The following RSU1 variants were observed in gnomAD, a reference collection of about 807,000 sequenced individuals.
RSU1 encodes rsu-1.
RSU1 carries 26 observed loss-of-function variants against 31.1 expected under a neutral mutation model. The ratio of observed to expected loss-of-function variants is 0.84; its 90% CI spans 0.61 to 1.16. RSU1 has a LOEUF of 1.16. Ranked by LOEUF, RSU1 falls within the 50% of genes most tolerant of loss-of-function variation. RSU1 has a pLI of 0.00. For synonymous variants in RSU1, 164 were observed against 136.3 expected (o/e 1.20, Z -1.41); for missense variants, 320 against 339.1 (o/e 0.94, Z 0.44).
chr10:16,659,705 G>A (rs1834853792), intron 8 of RSU1, among the ~76,000 whole-genome samples: 1 of 152,148 alleles, frequency 6.6e-6, no homozygotes, highest in Admixed American at 6.5e-5. Context: ...TACTACTTTG[G>A]TTCTTCCTCA....
chr10:16,760,547 T>C (rs1176988990), intron 4 of RSU1, among the ~76,000 whole-genome samples: 1 of 150,808 alleles, frequency 6.6e-6, no homozygotes, highest in Non-Finnish European at 1.5e-5. Context: ...AGTGTACGAC[T>C]CTGTCCTCTG....
intron 8 of RSU1, among the ~76,000 whole-genome samples, chr10:16,612,460 C>A (rs1030702504): frequency 1.3e-5 from 2 of 152,206 alleles, no homozygotes; most frequent in African/African-American, 2.4e-5. Context: ...TGGTCCTGAA[C>A]AGGCAGCTCC....
chr10:16,692,119 A>C (rs1319424137), intron 8 of RSU1, among the ~76,000 whole-genome samples: 3 of 152,216 alleles, frequency 2.0e-5, no homozygotes, highest in Non-Finnish European at 2.9e-5. Context: ...CCATGAGGAA[A>C]TGAAACAGAA....
chr10:16,786,731 A>T (rs1397122575), intron 2 of RSU1, among the ~76,000 whole-genome samples: 1 of 152,098 alleles, frequency 6.6e-6, no homozygotes, highest in East Asian at 1.9e-4. Flanking sequence ...CCGTATTTGT[A>T]ATTCTCTCCT....
chr10:16,813,850 A>T (rs1339261460), intron 2 of RSU1, among the ~76,000 whole-genome samples: 1 of 152,200 alleles, frequency 6.6e-6, no homozygotes, highest in Non-Finnish European at 1.5e-5. Flanking sequence ...CTTGGTACCT[A>T]AACTCCTCAA....
intron 7 of RSU1, among the ~76,000 whole-genome samples, chr10:16,713,172 A>T (rs1323381674): frequency 6.6e-6 from 1 of 152,150 alleles, no homozygotes; most frequent in Admixed American, 6.5e-5. Flanking sequence ...GTATGATTAT[A>T]ATGTGCCTCA....
At chr10:16,760,432 C>T (rs1055782725) in intron 4 of RSU1, among the ~76,000 whole-genome samples, 8 of 151,326 alleles carry the variant, frequency 5.3e-5, no homozygotes, top group African/African-American at 7.3e-5. Flanking sequence ...TCGTTTGAAC[C>T]CAGGAGGTGG....
intron 2 of RSU1, among the ~76,000 whole-genome samples, chr10:16,800,977 C>T (rs1222295257): frequency 7.4e-6 from 1 of 135,232 alleles, no homozygotes; most frequent in African/African-American, 2.9e-5. Flanking sequence ...AAAAAAAGAA[C>T]AAGGGCAAGA....
In RSU1 at chr10:16,689,999, T is replaced by C. The variant is rs45457098; in HGVS notation, c.731+5024A>G. On this transcript the variant is annotated intron_variant, in intron 8 of 8. Coordinates refer to ENST00000345264, the MANE Select transcript of RSU1 (RefSeq NM_012425.4). ...TTGTCAAACCTCTTTTGTTAACTTGTTGACAAGAGTTAACTTGTCAGCTTT... is the reference window on the plus strand; with the variant it reads ...TTGTCAAACCTCTTTTGTTAACTTGCTGACAAGAGTTAACTTGTCAGCTTT... Among the ~76,000 whole-genome samples the C allele has an allele frequency of 6.2e-3, 942 of 152,330 alleles. 1 individual carries two copies. The highest frequency in any genetic ancestry group is 9.6e-3 in the Non-Finnish European group (652 of 68,030).
chr10:16,738,337 G>C (rs1315481898), intron 7 of RSU1, among the ~76,000 whole-genome samples: 3 of 152,096 alleles, frequency 2.0e-5, no homozygotes, highest in African/African-American at 7.2e-5. Flanking sequence ...TGTAGTCCCA[G>C]CTACTCAGGA....
chr10:16,591,341 T>G lies in RSU1; in HGVS notation c.*2053A>C, dbSNP rs1162357680. Reference sequence around the variant, plus strand: ...GTGTATGCAATGCTATAAGGACAATTCCTAAACATTGCAGTTTGTGGGGAT... The same window carrying G: ...GTGTATGCAATGCTATAAGGACAATGCCTAAACATTGCAGTTTGTGGGGAT... On this transcript the variant is annotated 3_prime_UTR_variant, in exon 9 of 9. Transcript: ENST00000345264. 2 of 152,226 alleles carry G rather than the reference T, an allele frequency of 1.3e-5. No homozygotes were observed. Among genetic ancestry groups the G allele is most frequent in the African/African-American group, 4.8e-5 (2 of 41,462 alleles). 9.4% of individuals were successfully genotyped at this position (152,226 alleles called of 1,614,324 possible). A position where few individuals can be genotyped will look rare whatever the true frequency, so the allele number is the denominator to read the frequency against.
intron 7 of RSU1, among the ~76,000 whole-genome samples, chr10:16,726,405 T>A (rs1388765251): frequency 3.3e-5 from 5 of 151,950 alleles, no homozygotes; most frequent in Non-Finnish European, 7.4e-5. Context: ...CTAGCTGGAT[T>A]ACAGGTGCCC....
intron 7 of RSU1, among the ~76,000 whole-genome samples, chr10:16,707,342 A>C (rs1367783427): frequency 6.6e-6 from 1 of 152,132 alleles, no homozygotes; most frequent in Admixed American, 6.5e-5. Flanking sequence ...GTTAATTTAC[A>C]ATCCCACCAA....
intron 2 of RSU1, among the ~76,000 whole-genome samples, chr10:16,797,624 T>C (rs1208907059): frequency 2.6e-5 from 4 of 152,058 alleles, no homozygotes; most frequent in East Asian, 1.9e-4. Context: ...AAAACTATAA[T>C]TGACTATTTC....
At chr10:16,714,280 AGTCT>A (rs1836084449) in intron 7 of RSU1, among the ~76,000 whole-genome samples, 1 of 152,092 alleles carries the variant, frequency 6.6e-6, no homozygotes, top group Non-Finnish European at 1.5e-5. Context: ...GCCCTGTAGG[AGTCT>A]GTCTAGAGGA....
intron 5 of RSU1, 102 bp downstream of exon 5, chr10:16,754,769 G>T: frequency 1.4e-6 from 1 of 717,446 alleles, no homozygotes; most frequent in Non-Finnish European, 2.4e-6. Flanking sequence ...AATTATCTCT[G>T]TCCAATAATT....
chr10:16,677,149 T>C (rs1412216494), intron 8 of RSU1, among the ~76,000 whole-genome samples: 1 of 152,218 alleles, frequency 6.6e-6, no homozygotes, highest in Non-Finnish European at 1.5e-5. Context: ...TTTCTTATTT[T>C]CTTCCCAGAT....
intron 8 of RSU1, among the ~76,000 whole-genome samples, chr10:16,616,950 C>T (rs1188086590): frequency 6.6e-6 from 1 of 152,152 alleles, no homozygotes; most frequent in Non-Finnish European, 1.5e-5. Flanking sequence ...GACAAAGATG[C>T]CCTCTCTCAC....
intron 8 of RSU1, among the ~76,000 whole-genome samples, chr10:16,660,645 C>CT (rs796601054): frequency 0.054 from 4,286 of 79,386 alleles, 260 homozygotes; most frequent in African/African-American, 0.073. Context: ...CTTGAACTCT[C>CT]TTTTTTTTTT....
Sources: allele counts gnomAD v4.1 joint callset (sites outside exome capture counted in the v4.1 genomes callset), GRCh38; gene constraint gnomAD v4.1.1; transcripts MANE v1.5; gene names NCBI Gene and HGNC (gene_info 2026-07-23, HGNC 2026-07-21).